The following POC1B variants were observed in gnomAD, a reference collection of about 807,000 sequenced individuals.
POC1B encodes POC1 centriolar protein homolog B.
POC1B carries 44 observed loss-of-function variants against 60.6 expected under a neutral mutation model. That is an observed-to-expected ratio of 0.73 (90% CI 0.57 to 0.93). The LOEUF (loss-of-function observed/expected upper bound fraction) is 0.93. Among genes scored for constraint, POC1B ranks in the 40% least tolerant of loss-of-function variants. The probability of loss-of-function intolerance (pLI) is 0.00; values close to 1 mark genes in which losing one functional copy is unlikely to be tolerated. For missense variants in POC1B, 555 were observed against 572.3 expected (o/e 0.97, Z 0.31); for synonymous variants, 180 against 198.9 (o/e 0.90, Z 0.80).
chr12:89,526,010 C>T lies in POC1B; in HGVS notation c.-115G>A, dbSNP rs1423352055. On this transcript the variant is annotated 5_prime_UTR_variant, in exon 1 of 12. Transcript: ENST00000313546. ...TCCCGGAACCGTCTGCCCAGAGCGG[C>T]AGCGCCTCCCGGTCACTACAACAAC... 6.5e-7 allele frequency: 1 copy of T among 1,539,674 alleles called. No homozygotes were observed. Among genetic ancestry groups the T allele is most frequent in the East Asian group, 2.5e-5 (1 of 40,796 alleles).
At chr12:89,451,911 A>T (rs1882057963) in intron 10 of POC1B, among the ~76,000 whole-genome samples, 1 of 152,206 alleles carries the variant, frequency 6.6e-6, no homozygotes, top group African/African-American at 2.4e-5. Context: ...CAGCCCCACA[A>T]ATGGCATTTA....
chr12:89,437,818 C>T (rs954217108), intron 10 of POC1B, among the ~76,000 whole-genome samples: 5 of 151,672 alleles, frequency 3.3e-5, no homozygotes, highest in African/African-American at 1.2e-4. Flanking sequence ...GAGGCCGAGA[C>T]GGGTGGATCA....
At chr12:89,525,271 C>G (rs763923707) in intron 1 of POC1B, 67 bp from the exon 2 acceptor site, 196 of 1,542,186 alleles carry the variant, frequency 1.3e-4, no homozygotes, top group Non-Finnish European at 1.1e-4. Flanking sequence ...CTGGGATCCA[C>G]GCTGCCACTT....
intron 2 of POC1B, among the ~76,000 whole-genome samples, chr12:89,504,818 G>A (rs936694342): frequency 1.4e-4 from 21 of 152,034 alleles, no homozygotes; most frequent in African/African-American, 4.8e-4. Context: ...AGAATGCTAC[G>A]AATCAGCCAG....
In POC1B at chr12:89,501,599, G is replaced by A. The variant is rs1344997418; in HGVS notation, c.101-4257C>T. Reference sequence around the variant, plus strand: ...GATAAGGAAGAATCTAAAAAGAAGCGCTTTTCTAGTGAGTCCAAGAACAAA... The same window carrying A: ...GATAAGGAAGAATCTAAAAAGAAGCACTTTTCTAGTGAGTCCAAGAACAAA... On this transcript the variant is annotated intron_variant, in intron 2 of 11. Transcript: ENST00000313546. 2.7e-5 allele frequency: 37 copies of A among 1,376,484 alleles called. No homozygotes were observed. The East Asian group carries it at 4.5e-4, about 17-fold the overall frequency. 85.3% of individuals were successfully genotyped at this position (1,376,484 alleles called of 1,614,324 possible).
intron 10 of POC1B, among the ~76,000 whole-genome samples, chr12:89,451,686 A>C (rs1459503344): frequency 1.3e-5 from 2 of 152,236 alleles, no homozygotes; most frequent in African/African-American, 4.8e-5. Flanking sequence ...TGTTTTACAT[A>C]GTGTGACAGC....
the POC1B span, among the ~76,000 whole-genome samples, chr12:89,412,507 C>T: frequency 1.1e-4 from 16 of 151,434 alleles, no homozygotes; most frequent in African/African-American, 2.4e-4. Context: ...GATAAAACCT[C>T]GTCTCTACTA....
At chr12:89,501,345 A>C in intron 2 of POC1B, 1 of 992,446 alleles carries the variant, frequency 1.0e-6, no homozygotes, top group Non-Finnish European at 1.6e-6. Context: ...CTGGAAGCAA[A>C]AGGACTATAA....
At chr12:89,406,852 A>G in the POC1B span, among the ~76,000 whole-genome samples, 1 of 152,018 alleles carries the variant, frequency 6.6e-6, no homozygotes. Flanking sequence ...TTCAACAGAA[A>G]CCAGAAATCT....
chr12:89,521,832 T>G (rs1164566537), intron 2 of POC1B: 1 of 396,928 alleles, frequency 2.5e-6, no homozygotes, highest in African/African-American at 2.1e-5. Context: ...TTCTTAAATT[T>G]CCTGATCAGC....
chr12:89,439,330 C>T (rs1229898057), intron 10 of POC1B, among the ~76,000 whole-genome samples: 1 of 152,172 alleles, frequency 6.6e-6, no homozygotes, highest in Non-Finnish European at 1.5e-5. Context: ...CACAAGCTCC[C>T]CCACAGACAC....
chr12:89,413,977 C>T, the POC1B span, among the ~76,000 whole-genome samples: 5 of 152,076 alleles, frequency 3.3e-5, no homozygotes, highest in South Asian at 2.1e-4. Flanking sequence ...CTGCAACCTC[C>T]GCCTCCCAGG....
At chr12:89,431,434 TACACACACAC>T (rs370664797) in intron 10 of POC1B, among the ~76,000 whole-genome samples, 2 of 149,602 alleles carry the variant, frequency 1.3e-5, no homozygotes, top group South Asian at 2.1e-4. Context: ...TTTAAATCAC[TACACACACAC>T]ACACACACAC....
At chr12:89,509,856 G>GT (rs906096367) in intron 2 of POC1B, among the ~76,000 whole-genome samples, 78 of 152,030 alleles carry the variant, frequency 5.1e-4, no homozygotes, top group African/African-American at 1.8e-3. Context: ...TTCAATTTTG[G>GT]TTTTTTTGCG....
At chr12:89,476,375 A>G (rs1395348383) in intron 4 of POC1B, among the ~76,000 whole-genome samples, 1 of 152,180 alleles carries the variant, frequency 6.6e-6, no homozygotes, top group Non-Finnish European at 1.5e-5. Context: ...CTTGTTCATT[A>G]CAGAACCAAA....
intron 2 of POC1B, among the ~76,000 whole-genome samples, chr12:89,508,469 G>A (rs1327647100): frequency 6.6e-6 from 1 of 152,160 alleles, no homozygotes; most frequent in Non-Finnish European, 1.5e-5. Context: ...TATCACAAAA[G>A]TTATGTTGTA....
intron 10 of POC1B, among the ~76,000 whole-genome samples, chr12:89,448,764 A>C (rs564677805): frequency 2.6e-5 from 4 of 152,366 alleles, no homozygotes; most frequent in African/African-American, 9.6e-5. Context: ...AGTGTGTCTT[A>C]AACACAATTC....
intron 4 of POC1B, among the ~76,000 whole-genome samples, chr12:89,475,962 A>G (rs1291117982): frequency 7.3e-6 from 1 of 137,656 alleles, no homozygotes; most frequent in Non-Finnish European, 1.5e-5. Context: ...GCTGGAAAGC[A>G]GTGGTGCAAT....
the POC1B span, among the ~76,000 whole-genome samples, chr12:89,412,735 C>A: frequency 6.6e-6 from 1 of 151,926 alleles, no homozygotes; most frequent in African/African-American, 2.4e-5. Flanking sequence ...ACTTAAAAAT[C>A]CATAGATGCT....
Sources: gnomAD v4.1 joint callset for allele counts (sites outside exome capture counted in the v4.1 genomes callset) on GRCh38, gnomAD v4.1.1 for gene constraint, MANE v1.5 for transcripts, NCBI Gene and HGNC (gene_info 2026-07-23, HGNC 2026-07-21) for gene names.